ZNF43: variants seen among roughly 807,000 people sequenced by gnomAD.
ZNF43 encodes zinc finger protein 43.
In ZNF43, 44 loss-of-function variants were observed where a neutral mutation model predicts 68.4. The ratio of observed to expected loss-of-function variants is 0.64; its 90% CI spans 0.51 to 0.83. The LOEUF (loss-of-function observed/expected upper bound fraction) is 0.83, where lower values mean the gene tolerates loss of function less well. Ranked by LOEUF, ZNF43 falls within the 40% of genes least tolerant of loss-of-function variation. ZNF43 has a pLI of 0.00. For missense variants in ZNF43, 896 were observed against 933.2 expected (o/e 0.96, Z 0.52); for synonymous variants, 308 against 307.8 (o/e 1.00, Z -0.01).
chr19:21,823,551 C>T (rs999379661), intron 1 of ZNF43, among the ~76,000 whole-genome samples: 5 of 148,482 alleles, frequency 3.4e-5, no homozygotes, highest in South Asian at 2.2e-4. Context: ...AATGATAAGC[C>T]GGGCAAGAAA....
intron 1 of ZNF43, among the ~76,000 whole-genome samples, chr19:21,847,330 G>C (rs1250974208): frequency 6.6e-6 from 1 of 152,082 alleles, no homozygotes; most frequent in Non-Finnish European, 1.5e-5. Flanking sequence ...CAAATATGAA[G>C]GGCCTAAGAA....
In ZNF43 at chr19:21,805,087, ATGC is replaced by A. The variant is rs1470544176; in HGVS notation, c.*2517_*2519del. On this transcript the variant is annotated 3_prime_UTR_variant, in exon 4 of 4. Coordinates refer to ENST00000354959, the MANE Select transcript of ZNF43 (RefSeq NM_003423.4). ...AATTGGCTTGTAATACAAAGGATAA[ATGC>A]TGAAGGTAATAGATACTTTATCCTG... 2 of 152,204 alleles carry A rather than the reference ATGC, an allele frequency of 1.3e-5. No homozygotes were observed. Among genetic ancestry groups the A allele is most frequent in the Non-Finnish European group, 2.9e-5 (2 of 68,036 alleles). The allele number at this position is 152,204 out of a possible 1,614,324, so 9.4% of individuals were successfully genotyped here.
At chr19:21,827,035 G>GA (rs1216676765) in intron 1 of ZNF43, 1 of 151,578 alleles carries the variant, frequency 6.6e-6, no homozygotes, top group Admixed American at 6.6e-5. Flanking sequence ...AGCATCTTAA[G>GA]AAAAAACTTA....
intron 1 of ZNF43, among the ~76,000 whole-genome samples, chr19:21,821,353 G>A (rs888510388): frequency 3.3e-5 from 5 of 151,970 alleles, no homozygotes; most frequent in African/African-American, 1.2e-4. Context: ...GTTTCACCGT[G>A]TTACCGCGCC....
chr19:21,811,766 CT>C (rs1346477049), intron 3 of ZNF43, among the ~76,000 whole-genome samples: 6 of 151,554 alleles, frequency 4.0e-5, no homozygotes, highest in African/African-American at 1.5e-4. Context: ...AGAAAAAAAT[CT>C]CTTCAAAAAA....
At chr19:21,826,420 T>C (rs1033940629) in intron 1 of ZNF43, 1 of 152,194 alleles carries the variant, frequency 6.6e-6, no homozygotes, top group Non-Finnish European at 1.5e-5. Flanking sequence ...TAAACCAGAA[T>C]GTGAGCAGCA....
rs138784237 is a variant in ZNF43, at chr19:21,822,774, C to T, written c.4-3553G>A. On this transcript the variant is annotated intron_variant, in intron 1 of 3. Transcript: ENST00000354959. Reference sequence around the variant, plus strand: ...GAGCCGAGATCGCGCCACTGCACTCCAGCCTGGGTGACAGAGCAAGACTCC... The same window carrying T: ...GAGCCGAGATCGCGCCACTGCACTCTAGCCTGGGTGACAGAGCAAGACTCC... Among the ~76,000 whole-genome samples the T allele has an allele frequency of 5.2e-3, 794 of 151,862 alleles. 9 individuals are homozygous for T. The highest frequency in any genetic ancestry group is 0.018 in the African/African-American group (739 of 41,354).
chr19:21,824,585 A>T (rs2038016039), intron 1 of ZNF43, among the ~76,000 whole-genome samples: 1 of 152,166 alleles, frequency 6.6e-6, no homozygotes, highest in Non-Finnish European at 1.5e-5. Flanking sequence ...TGTCTTGTGA[A>T]TCCCAGGCAG....
At chr19:21,831,168 C>A (rs188059164) in intron 1 of ZNF43, among the ~76,000 whole-genome samples, 164 of 152,210 alleles carry the variant, frequency 1.1e-3, no homozygotes, top group African/African-American at 3.6e-3. Flanking sequence ...AAGTTGGAAG[C>A]ATTTCTCTTT....
intron 1 of ZNF43, among the ~76,000 whole-genome samples, chr19:21,849,291 C>G (rs764001371): frequency 1.3e-4 from 20 of 148,620 alleles, no homozygotes; most frequent in Non-Finnish European, 2.7e-4. Flanking sequence ...GAGTTCTAGA[C>G]TAGCCTGACC....
chr19:21,851,829 G>T, intron 1 of ZNF43: 1 of 1,466,822 alleles, frequency 6.8e-7, no homozygotes, highest in Non-Finnish European at 9.2e-7. Flanking sequence ...ACTCAGGAGC[G>T]GACTGTGAGG....
At chr19:21,844,921 A>AAAAAGAT (rs1310761266) in intron 1 of ZNF43, among the ~76,000 whole-genome samples, 1 of 26,052 alleles carries the variant, frequency 3.8e-5, no homozygotes, top group Non-Finnish European at 6.2e-5. Context: ...AAAAAAAAAA[A>AAAAAGAT]ATATATATAT....
chr19:21,808,623 G>A lies in ZNF43; in HGVS notation c.1414C>T (p.His472Tyr). ...AFNQFSNLTTHKRIHTAEKPY... is the reference protein window; with the variant it reads ...AFNQFSNLTTYKRIHTAEKPY... The stretch of plus-strand genomic sequence containing the variant: ...TTTTCTGCAGTATGAATTCTCTTAT[G>A]TGTAGTAAGGTTTGAGAACTGGTTA... Residue 472 changes from histidine to tyrosine, a missense_variant, in exon 4 of 4, where the codon CAT becomes TAT. By Grantham distance (83) the His-to-Tyr change is moderately conservative. Coordinates refer to ENST00000354959, the MANE Select transcript of ZNF43 (RefSeq NM_003423.4). 1 of 1,613,566 alleles carries A rather than the reference G, an allele frequency of 6.2e-7. No individual in the cohort carries two copies. The highest frequency in any genetic ancestry group is 1.1e-5 in the South Asian group (1 of 91,056).
rs1057072355 is a variant in ZNF43, at chr19:21,806,138, G to A, written c.*1469C>T. 12 of 150,136 alleles carry A rather than the reference G, an allele frequency of 8.0e-5. No homozygotes were observed. Among genetic ancestry groups the A allele is most frequent in the African/African-American group, 2.9e-4 (12 of 40,780 alleles). The allele number at this position is 150,136 out of a possible 1,614,324, so 9.3% of individuals were successfully genotyped here. On this transcript the variant is annotated 3_prime_UTR_variant, in exon 4 of 4. Coordinates refer to ENST00000354959, the MANE Select transcript of ZNF43 (RefSeq NM_003423.4). ...CACTCCTTTATAAGTTAACCACAAA[G>A]AGCCTCTCCAGTTACATTTTCATCA...
At position 21,808,516 on chromosome 19, in the gene ZNF43, C is replaced by T; in HGVS notation, c.1521G>A (p.Lys507=). 1 of 1,612,680 alleles carries T rather than the reference C, an allele frequency of 6.2e-7. No individual in the cohort carries two copies. Among genetic ancestry groups the T allele is most frequent in the South Asian group, 1.1e-5 (1 of 91,014 alleles). Residue 507 remains lysine, a synonymous_variant, in exon 4 of 4, where the codon AAG becomes AAA. Coordinates refer to ENST00000354959, the MANE Select transcript of ZNF43 (RefSeq NM_003423.4). The part of the protein sequence containing the change: ...LTKHKKIHIE[K]KPYKCEECGK... Reference sequence around the variant, plus strand: ...CACATTCTTCACATTTGTAGGGTTTCTTTTCAATGTGAATTTTCTTATGTT... The same window carrying T: ...CACATTCTTCACATTTGTAGGGTTTTTTTTCAATGTGAATTTTCTTATGTT...
At chr19:21,840,225 A>C (rs760252193), upstream of ZNF43, 2 of 152,252 alleles carry the variant, frequency 1.3e-5, no homozygotes, top group East Asian at 3.9e-4. Flanking sequence ...TGCTGAGGCA[A>C]AAGTACAGAG....
chr19:21,824,839 G>A (rs1458699496), intron 1 of ZNF43, among the ~76,000 whole-genome samples: 1 of 152,016 alleles, frequency 6.6e-6, no homozygotes, highest in Non-Finnish European at 1.5e-5. Flanking sequence ...TAACCTGGGA[G>A]CAATGATTCA....
chr19:21,831,406 A>C (rs562250679), intron 1 of ZNF43, among the ~76,000 whole-genome samples: 42 of 152,060 alleles, frequency 2.8e-4, no homozygotes, highest in African/African-American at 9.9e-4. Flanking sequence ...CTGTCACCCA[A>C]GCTGGAGTGC....
upstream of ZNF43, among the ~76,000 whole-genome samples, chr19:21,836,661 T>G (rs374957214): frequency 1.8e-4 from 28 of 152,228 alleles, no homozygotes; most frequent in East Asian, 1.3e-3. Flanking sequence ...TGCAGCTCAC[T>G]GCAGCCTCAG....
Sources: allele counts gnomAD v4.1 joint callset (sites outside exome capture counted in the v4.1 genomes callset), GRCh38; gene constraint gnomAD v4.1.1; transcripts MANE v1.5; gene names NCBI Gene and HGNC (gene_info 2026-07-23, HGNC 2026-07-21).